NOS2: variants seen among roughly 807,000 people sequenced by gnomAD.
The protein encoded by NOS2 is nitric oxide synthase, inducible.
Under a neutral mutation model 136.0 loss-of-function variants are expected in NOS2, and 96 were observed. That is an observed-to-expected ratio of 0.71 (90% CI 0.60 to 0.84). NOS2 has a LOEUF of 0.84. Among genes scored for constraint, NOS2 ranks in the 40% least tolerant of loss-of-function variants. The pLI, the probability that NOS2 is intolerant of heterozygous loss-of-function variation, is 0.00. For missense variants in NOS2, 1,237 were observed against 1,496.9 expected (o/e 0.83, Z 2.87); for synonymous variants, 539 against 587.5 (o/e 0.92, Z 1.20).
Position 27,782,008 on chromosome 17 carries a change from C to T in NOS2, c.722+7G>A. On this transcript the variant is annotated splice_region_variant and intron_variant, in intron 7 of 26. Coordinates refer to ENST00000313735, the MANE Select transcript of NOS2 (RefSeq NM_000625.4). ...CCCCTCTGCAGCCCTGGGAAATGTG[C>T]ACCGACCTGATGTTGCCATTGTTGG... 1 of 1,613,494 alleles carries T rather than the reference C, an allele frequency of 6.2e-7. No individual in the cohort carries two copies.
chr17:27,756,837 C>CG lies in NOS2; in HGVS notation c.*408_*409insC, dbSNP rs2151323244. On this transcript the variant is annotated 3_prime_UTR_variant, in exon 27 of 27. Coordinates refer to ENST00000313735, the MANE Select transcript of NOS2 (RefSeq NM_000625.4). ...ATCATACAGGGAAGACCCAAGTGGC[C>CG]ATGGGGAACAGACTGGGTGTTAGTT... The CG allele has an allele frequency of 5.8e-6, 1 of 172,436 alleles. No individual in the cohort carries two copies. Among genetic ancestry groups the CG allele is most frequent in the Admixed American group, 6.3e-5 (1 of 15,942 alleles). The allele number at this position is 172,436 out of a possible 1,614,324, so 10.7% of individuals were successfully genotyped here.
rs1435434563 is a variant in NOS2, at chr17:27,774,056, G to A, written c.1476+201C>T. ...AGCCACAGGCCACTAGCGGTGCAGT[G>A]GAAGCCACTTCCTTCAGTGCCACTC... On this transcript the variant is annotated intron_variant, in intron 12 of 26. Transcript: ENST00000313735. Among the ~76,000 whole-genome samples the A allele has an allele frequency of 2.0e-5, 3 of 152,172 alleles. No homozygotes were observed. The East Asian group carries it at 5.8e-4, about 29-fold the overall frequency.
intron 23 of NOS2, 70 bp downstream of exon 23, chr17:27,761,074 C>A: frequency 1.5e-6 from 2 of 1,376,340 alleles, no homozygotes; most frequent in South Asian, 2.9e-5. Context: ...AACCCCAGAT[C>A]CCTCCCTTTC....
intron 12 of NOS2, 75 bp from the exon 13 acceptor site, chr17:27,773,318 G>A (rs1908558888): frequency 2.9e-6 from 3 of 1,017,870 alleles, no homozygotes; most frequent in Non-Finnish European, 4.6e-6. Flanking sequence ...TGGAGTGGTA[G>A]AGGACCCTTC....
chr17:27,760,031 T>G lies in NOS2; in HGVS notation c.3158A>C (p.Lys1053Thr). 3.9e-6 allele frequency: 6 copies of G among 1,527,618 alleles called. No homozygotes were observed. The highest frequency in any genetic ancestry group is 5.3e-6 in the Non-Finnish European group (6 of 1,139,042). The allele number at this position is 1,527,618 out of a possible 1,614,324, so 94.6% of individuals were successfully genotyped here. ...CACCTGCTTTGAGGCTGCATTTACCTTGGGCTTGCCAGGCAGGCGGGAATA... is the reference window on the plus strand; with the variant it reads ...CACCTGCTTTGAGGCTGCATTTACCGTGGGCTTGCCAGGCAGGCGGGAATA... ...TAYSRLPGKP[K>T]VYVQDILRQQ... The change falls in exon 25 of 27, where the codon AAG becomes ACG. Residue 1053 changes from lysine to threonine, a missense_variant and splice_region_variant. Physicochemically the swap from Lys to Thr is moderately conservative, Grantham distance 78. Transcript: ENST00000313735.
At chr17:27,766,441 T>G (rs1908304615) in intron 19 of NOS2, 69 bp downstream of exon 19, 1 of 1,348,208 alleles carries the variant, frequency 7.4e-7, no homozygotes, top group Non-Finnish European at 1.1e-6. Context: ...GACTGACTTC[T>G]TCTGATCTTT....
chr17:27,787,640 G>A, intron 5 of NOS2, 38 bp downstream of exon 5: 1 of 1,520,384 alleles, frequency 6.6e-7, no homozygotes, highest in Non-Finnish European at 9.0e-7. Flanking sequence ...GCAGGAGGAA[G>A]GGCAGGAGGC....
chr17:27,779,047 C>A lies in NOS2; in HGVS notation c.1014G>T (p.Trp338Cys). 1 of 1,519,022 alleles carries A rather than the reference C, an allele frequency of 6.6e-7. No individual in the cohort carries two copies. The highest frequency in any genetic ancestry group is 8.8e-7 in the Non-Finnish European group (1 of 1,130,488). 94.1% of individuals were successfully genotyped at this position (1,519,022 alleles called of 1,614,324 possible). A position where few individuals can be genotyped will look rare whatever the true frequency, so the allele number is the denominator to read the frequency against. ...EVAMEHPKYE[W>C]FRELELKWYA... ...ACCACTTTAGCTCCAGTTCCCGAAA[C>A]CACTCGTATCTGGCAAAAAGGTAGA... The change falls in exon 10 of 27, where the codon TGG becomes TGT. Residue 338 changes from tryptophan to cysteine, a missense_variant. By Grantham distance (215) the Trp-to-Cys change is radical (BLOSUM62 -2). Around this residue, in one of 3 missense-constraint regions of NOS2, gnomAD observed 440 missense variants for 545.4 expected, o/e 0.81. Coordinates refer to ENST00000313735, the MANE Select transcript of NOS2 (RefSeq NM_000625.4).
rs1263950293 is a variant in NOS2 at position 27,772,372 on chromosome 17, GTC to G, written c.1638_1639del (p.Glu546AspfsTer28). 2 of 1,614,144 alleles carry G rather than the reference GTC, an allele frequency of 1.2e-6. No homozygotes were observed. The highest frequency in any genetic ancestry group is 1.1e-5 in the South Asian group (1 of 91,088). ...CCAGGCCAGCGCCTCTGATTTTCCT[GTC>G]TCTGTCGCAAAGAGGATGGTGACTC... On this transcript the variant is annotated frameshift_variant, in exon 14 of 27. Transcript: ENST00000313735. LOFTEE classifies it high-confidence loss of function.
Position 27,758,970 on chromosome 17 carries a change from G to A in NOS2, c.3265C>T (p.Arg1089Trp), listed in dbSNP as rs201947529. Residue 1089 changes from arginine (R) to tryptophan (W), a missense_variant, in exon 26 of 27, where the codon CGG (arginine) becomes TGG (tryptophan). By Grantham distance (101) the Arg-to-Trp change is moderately radical. This residue lies in a region of NOS2 where 782 missense variants were observed against 909.9 expected (regional missense o/e 0.86). Coordinates refer to ENST00000313735, the MANE Select transcript of NOS2 (RefSeq NM_000625.4). ...LYVCGDVRMA[R>W]DVAHTLKQLV... Reference sequence around the variant, plus strand: ...TGCTTCAGGGTGTGGGCCACGTCCCGGGCCATGCGCACATCCCCGCAAACA... The same window carrying A: ...TGCTTCAGGGTGTGGGCCACGTCCCAGGCCATGCGCACATCCCCGCAAACA... The A allele has an allele frequency of 8.1e-6, 13 of 1,612,974 alleles. No individual in the cohort carries two copies. The highest frequency in any genetic ancestry group is 1.7e-5 in the Admixed American group (1 of 59,954).
chr17:27,794,425 C>A (rs533613539), intron 2 of NOS2, among the ~76,000 whole-genome samples: 2 of 152,304 alleles, frequency 1.3e-5, no homozygotes, highest in Admixed American at 6.5e-5. Context: ...TTTGCTCCGC[C>A]TGTAAGGTGC....
At position 27,788,672 on chromosome 17, in the gene NOS2, T is replaced by C. The variant is rs540356006; in HGVS notation, c.318+137A>G. 10 of 1,003,348 alleles carry C rather than the reference T, an allele frequency of 1.0e-5. No homozygotes were observed. The South Asian group carries it at 1.4e-4, about 14-fold the overall frequency. 62.2% of individuals were successfully genotyped at this position (1,003,348 alleles called of 1,614,324 possible). Reference sequence around the variant, plus strand: ...ACTTCCTACTGTAATCTGTGAGGAATGTCTCTGTTCCTAGACCCCTTTGCC... The same window carrying C: ...ACTTCCTACTGTAATCTGTGAGGAACGTCTCTGTTCCTAGACCCCTTTGCC... On this transcript the variant is annotated intron_variant, in intron 4 of 26. Transcript: ENST00000313735.
At chr17:27,791,491 T>C (rs980062682) in intron 2 of NOS2, among the ~76,000 whole-genome samples, 2 of 152,136 alleles carry the variant, frequency 1.3e-5, no homozygotes, top group African/African-American at 4.8e-5. Context: ...AAGAATCCTG[T>C]TAGGTTGGGT....
In NOS2 at chr17:27,781,015, G is replaced by A. The variant is rs564009035; in HGVS notation, c.864+21C>T. The A allele has an allele frequency of 3.7e-5, 60 of 1,609,806 alleles. No homozygotes were observed. In the South Asian group the frequency reaches 4.7e-4, roughly 13 times the overall value. On this transcript the variant is annotated intron_variant, in intron 8 of 26. Coordinates refer to ENST00000313735, the MANE Select transcript of NOS2 (RefSeq NM_000625.4). Reference sequence around the variant, plus strand: ...GGGGCTCCCCGCCCCAATGGCCGGTGGCTGAGGCTGGGCCGGGTACCTGAG... The same window carrying A: ...GGGGCTCCCCGCCCCAATGGCCGGTAGCTGAGGCTGGGCCGGGTACCTGAG...
At chr17:27,787,554 T>C in intron 5 of NOS2, 124 bp downstream of exon 5, 4 of 782,808 alleles carry the variant, frequency 5.1e-6, no homozygotes, top group Non-Finnish European at 8.1e-6. Context: ...TGCAAAATCA[T>C]AGTGATTTAA....
At chr17:27,800,148 T>A (rs570427054) in intron 1 of NOS2, among the ~76,000 whole-genome samples, 191 bp downstream of exon 1, 1 of 152,354 alleles carries the variant, frequency 6.6e-6, no homozygotes, top group East Asian at 1.9e-4. Flanking sequence ...CAGCTAATAT[T>A]TGCAGAAAAG....
At chr17:27,762,777 G>C (rs1908171759) in intron 22 of NOS2, 21 bp downstream of exon 22, 21 of 1,519,594 alleles carry the variant, frequency 1.4e-5, no homozygotes, top group Non-Finnish European at 1.9e-5. Context: ...GGCTGTTCCA[G>C]AGCCTCTGCC....
chr17:27,776,149 G>T (rs1261148239), intron 11 of NOS2, among the ~76,000 whole-genome samples: 1 of 152,236 alleles, frequency 6.6e-6, no homozygotes, highest in Non-Finnish European at 1.5e-5. Flanking sequence ...TGTGAGAGGG[G>T]TGCAAGTTAG....
chr17:27,780,738 C>G (rs1007678902), intron 9 of NOS2, 29 bp downstream of exon 9: 2 of 1,614,164 alleles, frequency 1.2e-6, no homozygotes, highest in Non-Finnish European at 8.5e-7. Flanking sequence ...TTGACTCGCC[C>G]TTGCCCCCAG....
Sources: gnomAD v4.1 joint callset for allele counts (sites outside exome capture counted in the v4.1 genomes callset) on GRCh38, gnomAD v4.1.1 for gene constraint, gnomAD v4.1.1 regional missense constraint, MANE v1.5 for transcripts, NCBI Gene and HGNC (gene_info 2026-07-23, HGNC 2026-07-21) for gene names.